PRR5L: variants seen among roughly 807,000 people sequenced by gnomAD.
PRR5L encodes proline-rich protein 5-like.
In PRR5L, 21 loss-of-function variants were observed where a neutral mutation model predicts 36.4. That is an observed-to-expected ratio of 0.58 (90% CI 0.41 to 0.83). PRR5L has a LOEUF of 0.83. PRR5L is among the 40% of genes least tolerant of loss of function. The probability of loss-of-function intolerance (pLI) is 0.00; values close to 1 mark genes in which losing one functional copy is unlikely to be tolerated. For synonymous variants in PRR5L, 188 were observed against 197.0 expected, an observed-to-expected ratio of 0.95 and a Z score of 0.38; for missense variants, 381 against 473.3, an observed-to-expected ratio of 0.80 and a Z score of 1.81.
chr11:36,419,122 G>A (rs554911494), intron 3 of PRR5L, 133 bp from the exon 4 acceptor site: 19 of 759,532 alleles, frequency 2.5e-5, no homozygotes, highest in South Asian at 2.2e-4. Context: ...GGGGGAAGGG[G>A]GACCAGGACC....
intron 1 of PRR5L, chr11:36,376,282 G>C: frequency 1.7e-6 from 2 of 1,164,532 alleles, no homozygotes; most frequent in Non-Finnish European, 1.1e-6. Context: ...AGGTGCCCGG[G>C]ACAGGAAAAG....
chr11:36,395,438 C>T (rs901931096), intron 1 of PRR5L, among the ~76,000 whole-genome samples: 18 of 152,156 alleles, frequency 1.2e-4, no homozygotes, highest in Non-Finnish European at 2.5e-4. Flanking sequence ...TTGCACTAGC[C>T]ACATTTCAAG....
At chr11:36,455,610 G>A (rs895558534) in intron 8 of PRR5L, among the ~76,000 whole-genome samples, 2 of 152,210 alleles carry the variant, frequency 1.3e-5, no homozygotes, top group South Asian at 4.1e-4. Context: ...GAGCCCCAGG[G>A]GGTACCCACA....
At chr11:36,364,129 G>A (rs918579852) in intron 1 of PRR5L, among the ~76,000 whole-genome samples, 1 of 152,164 alleles carries the variant, frequency 6.6e-6, no homozygotes, top group Non-Finnish European at 1.5e-5. Context: ...TTACCTCTCT[G>A]TGCTTCAGTT....
chr11:36,298,889 T>G (rs1856343329), intron 1 of PRR5L, among the ~76,000 whole-genome samples: 1 of 152,198 alleles, frequency 6.6e-6, no homozygotes, highest in Non-Finnish European at 1.5e-5. Context: ...TGGTGTCTCT[T>G]GGCATGTGCA....
intron 7 of PRR5L, among the ~76,000 whole-genome samples, chr11:36,447,499 G>A (rs1858855186): frequency 6.6e-6 from 1 of 152,150 alleles, no homozygotes; most frequent in Non-Finnish European, 1.5e-5. Flanking sequence ...TTTTTGGCTA[G>A]GGACACCCCC....
At chr11:36,363,588 G>T (rs58187624) in intron 1 of PRR5L, among the ~76,000 whole-genome samples, 2,819 of 152,120 alleles carry the variant, frequency 0.019, 83 homozygotes, top group African/African-American at 0.064. Context: ...ATCAACCCCC[G>T]GGCAGGTTTC....
At chr11:36,382,459 G>C (rs1456186312) in intron 1 of PRR5L, among the ~76,000 whole-genome samples, 1 of 152,208 alleles carries the variant, frequency 6.6e-6, no homozygotes, top group African/African-American at 2.4e-5. Context: ...CTGTGCTTCT[G>C]AAAGCGCACA....
intron 1 of PRR5L, among the ~76,000 whole-genome samples, chr11:36,363,413 G>A (rs1173751967): frequency 6.6e-6 from 1 of 152,210 alleles, no homozygotes; most frequent in Non-Finnish European, 1.5e-5. Context: ...CAGATTGACT[G>A]TACTAAGCAG....
chr11:36,386,183 A>AG (rs1565433786), intron 1 of PRR5L, among the ~76,000 whole-genome samples: 1 of 152,204 alleles, frequency 6.6e-6, no homozygotes, highest in East Asian at 1.9e-4. Flanking sequence ...GCTACTCAGG[A>AG]GGCTGAGGTG....
intron 1 of PRR5L, among the ~76,000 whole-genome samples, chr11:36,389,410 G>A (rs1391546295): frequency 1.3e-5 from 2 of 152,142 alleles, no homozygotes; most frequent in Non-Finnish European, 2.9e-5. Context: ...TACTCAGGGC[G>A]AGGCCGTGAT....
intron 1 of PRR5L, among the ~76,000 whole-genome samples, chr11:36,319,530 A>G (rs1856592013): frequency 6.6e-6 from 1 of 152,184 alleles, no homozygotes; most frequent in Non-Finnish European, 1.5e-5. Context: ...ACTGGTCTCT[A>G]CCATTGGAGT....
At chr11:36,440,078 T>A (rs1249036918) in intron 6 of PRR5L, among the ~76,000 whole-genome samples, 2 of 152,152 alleles carry the variant, frequency 1.3e-5, no homozygotes, top group Admixed American at 1.3e-4. Context: ...AAGAAAGCAA[T>A]GATTAACTTG....
chr11:36,307,564 A>G (rs1856448424), intron 1 of PRR5L, among the ~76,000 whole-genome samples: 1 of 152,130 alleles, frequency 6.6e-6, no homozygotes, highest in Non-Finnish European at 1.5e-5. Context: ...TAGCAATGAC[A>G]TCTAGAATAG....
chr11:36,333,462 C>A (rs1036810236), intron 1 of PRR5L, among the ~76,000 whole-genome samples: 24 of 152,164 alleles, frequency 1.6e-4, no homozygotes, highest in Non-Finnish European at 2.9e-4. Context: ...TAGCCCCAAA[C>A]AGTAAACAAC....
intron 1 of PRR5L, among the ~76,000 whole-genome samples, chr11:36,366,942 G>A (rs370509435): frequency 2.2e-4 from 34 of 152,042 alleles, no homozygotes; most frequent in African/African-American, 7.2e-4. Context: ...CCCACAGACA[G>A]GAATGAATAA....
At chr11:36,359,171 G>A (rs377600322) in intron 1 of PRR5L, among the ~76,000 whole-genome samples, 2 of 152,220 alleles carry the variant, frequency 1.3e-5, no homozygotes, top group African/African-American at 4.8e-5. Context: ...TTCCTCATCT[G>A]TAAGTGGCAG....
At chr11:36,425,233 G>A (rs566013815) in intron 4 of PRR5L, among the ~76,000 whole-genome samples, 2 of 152,314 alleles carry the variant, frequency 1.3e-5, no homozygotes, top group South Asian at 2.1e-4. Context: ...AACTGATGAG[G>A]ACGGTTCTGT....
chr11:36,351,650 T>G (rs12796945), intron 1 of PRR5L, among the ~76,000 whole-genome samples: 1 of 12,874 alleles, frequency 7.8e-5, no homozygotes, highest in Non-Finnish European at 1.2e-4. Context: ...TATTTATATA[T>G]TTATATAAAT....
Sources: allele counts gnomAD v4.1 joint callset (sites outside exome capture counted in the v4.1 genomes callset), GRCh38; gene constraint gnomAD v4.1.1; transcripts MANE v1.5; gene names NCBI Gene and HGNC (gene_info 2026-07-23, HGNC 2026-07-21).